The following SIK3 variants were observed in gnomAD, a reference collection of about 807,000 sequenced individuals.
SIK3 encodes the protein serine/threonine-protein kinase SIK3.
Under a neutral mutation model 144.2 loss-of-function variants are expected in SIK3, and 28 were observed. That is an observed-to-expected ratio of 0.19 (90% CI 0.14 to 0.27). The LOEUF is 0.27. Ranked by LOEUF, SIK3 falls within the 10% of genes least tolerant of loss-of-function variation. The probability of loss-of-function intolerance (pLI) is 1.00; values close to 1 mark genes in which losing one functional copy is unlikely to be tolerated. For missense variants in SIK3, 1,319 were observed against 1,776.0 expected (o/e 0.74, Z 4.62); for synonymous variants, 686 against 676.3 (o/e 1.01, Z -0.22).
intron 1 of SIK3, among the ~76,000 whole-genome samples, chr11:117,097,678 G>T (rs983003002): frequency 5.9e-5 from 9 of 151,948 alleles, no homozygotes; most frequent in Admixed American, 5.2e-4. Flanking sequence ...TGCCCCAGCC[G>T]TCCTGGGTCC....
At chr11:117,013,061 G>T (rs61905706) in intron 1 of SIK3, among the ~76,000 whole-genome samples, 24,173 of 151,700 alleles carry the variant, frequency 0.16, 2,016 homozygotes, top group Admixed American at 0.21. Context: ...ACCTACAGAA[G>T]AGCCCTTAAA....
intron 1 of SIK3, among the ~76,000 whole-genome samples, chr11:117,073,040 C>A (rs1954349585): frequency 6.6e-6 from 1 of 152,080 alleles, no homozygotes; most frequent in Non-Finnish European, 1.5e-5. Context: ...CCAGATAACA[C>A]CCTCTTGCCA....
intron 1 of SIK3, among the ~76,000 whole-genome samples, chr11:117,027,446 A>G (rs200255591): frequency 7.0e-6 from 1 of 143,818 alleles, no homozygotes; most frequent in Non-Finnish European, 1.5e-5. Flanking sequence ...TCTTTTTTTT[A>G]TATCTGTTTG....
intron 1 of SIK3, among the ~76,000 whole-genome samples, chr11:117,025,047 G>A (rs1411721395): frequency 1.3e-5 from 2 of 151,948 alleles, no homozygotes; most frequent in Non-Finnish European, 2.9e-5. Context: ...CATACTAAAG[G>A]GACACAAACT....
intron 1 of SIK3, among the ~76,000 whole-genome samples, chr11:117,005,182 C>T (rs1028057001): frequency 1.3e-5 from 2 of 151,630 alleles, no homozygotes; most frequent in African/African-American, 4.9e-5. Flanking sequence ...GTGGCTCACA[C>T]CTGTAATCCC....
chr11:116,999,054 G>T (rs753781181), intron 1 of SIK3, among the ~76,000 whole-genome samples: 1 of 152,148 alleles, frequency 6.6e-6, no homozygotes, highest in Non-Finnish European at 1.5e-5. Context: ...TCCAATTCCA[G>T]ATTTAAACAA....
chr11:116,863,601 GTCC>G, intron 16 of SIK3, 64 bp downstream of exon 16: 1 of 1,605,848 alleles, frequency 6.2e-7, no homozygotes, highest in East Asian at 2.2e-5. Flanking sequence ...TACCACCCCA[GTCC>G]TCCTGCAATC....
intron 4 of SIK3, among the ~76,000 whole-genome samples, chr11:116,922,828 C>T (rs1288321645): frequency 1.3e-5 from 2 of 151,356 alleles, no homozygotes; most frequent in East Asian, 3.9e-4. Context: ...TTTATTAGTT[C>T]CAAGTTATTT....
intron 4 of SIK3, among the ~76,000 whole-genome samples, chr11:116,926,327 G>A (rs1248433891): frequency 6.6e-6 from 1 of 152,102 alleles, no homozygotes; most frequent in Non-Finnish European, 1.5e-5. Flanking sequence ...TTAGTAAATG[G>A]TGAGTCTGTA....
At chr11:116,861,171 T>C in intron 19 of SIK3, 103 bp downstream of exon 19, 4 of 926,496 alleles carry the variant, frequency 4.3e-6, no homozygotes, top group East Asian at 2.5e-5. Context: ...CTGAATACTA[T>C]GTTATTCTGC....
chr11:116,889,163 C>A (rs747935646), intron 6 of SIK3, among the ~76,000 whole-genome samples: 10 of 152,352 alleles, frequency 6.6e-5, no homozygotes, highest in Admixed American at 1.3e-4. Flanking sequence ...CAAGTTAACT[C>A]ATTTCTCTAA....
intron 1 of SIK3, among the ~76,000 whole-genome samples, chr11:116,972,080 C>T (rs1434990433): frequency 1.5e-5 from 2 of 135,738 alleles, no homozygotes; most frequent in Non-Finnish European, 3.1e-5. Flanking sequence ...GAGCGAGACT[C>T]GGTCTCAAAA....
intron 1 of SIK3, among the ~76,000 whole-genome samples, chr11:117,076,615 C>T (rs979987421): frequency 6.6e-6 from 1 of 152,082 alleles, no homozygotes; most frequent in African/African-American, 2.4e-5. Flanking sequence ...CAACCTCCAC[C>T]TCCCGGGTTC....
At chr11:116,857,186 A>G (rs1335803251) in intron 21 of SIK3, 1 of 152,752 alleles carries the variant, frequency 6.5e-6, no homozygotes. Flanking sequence ...AAACGACCAG[A>G]GTAATAATAC....
intron 4 of SIK3, among the ~76,000 whole-genome samples, chr11:116,902,673 T>G (rs1039727137): frequency 6.6e-6 from 1 of 152,214 alleles, no homozygotes; most frequent in Non-Finnish European, 1.5e-5. Flanking sequence ...TCTCCTATTA[T>G]GCACCAAACA....
At chr11:116,939,856 G>A (rs1347427842) in intron 3 of SIK3, among the ~76,000 whole-genome samples, 1 of 152,172 alleles carries the variant, frequency 6.6e-6, no homozygotes. Flanking sequence ...GAAGAGATGA[G>A]GTTGTCACAG....
intron 1 of SIK3, among the ~76,000 whole-genome samples, chr11:116,961,835 C>G (rs1949358798): frequency 6.6e-6 from 1 of 152,108 alleles, no homozygotes. Context: ...TTTCCCTACT[C>G]AAGACATTCC....
chr11:117,024,398 C>A (rs1248271980), intron 1 of SIK3, among the ~76,000 whole-genome samples: 2 of 151,532 alleles, frequency 1.3e-5, no homozygotes, highest in Non-Finnish European at 2.9e-5. Context: ...TGCCATTGTG[C>A]CTCTTTTCCC....
intron 1 of SIK3, among the ~76,000 whole-genome samples, chr11:116,975,209 G>A (rs1949904111): frequency 7.1e-6 from 1 of 140,880 alleles, no homozygotes. Flanking sequence ...GCTTTATTGA[G>A]ATATTCACAT....
Sources: allele counts gnomAD v4.1 joint callset (sites outside exome capture counted in the v4.1 genomes callset), GRCh38; gene constraint gnomAD v4.1.1; transcripts MANE v1.5; gene names NCBI Gene and HGNC (gene_info 2026-07-23, HGNC 2026-07-21).